The following SCFD2 variants were observed in gnomAD, a reference collection of about 807,000 sequenced individuals.
SCFD2 encodes the protein sec1 family domain containing 2, also known as sec1 family domain-containing protein 2.
A neutral mutation model predicts 58.9 loss-of-function variants in SCFD2; 54 were observed. That is an observed-to-expected ratio of 0.92 (90% CI 0.74 to 1.15). The LOEUF is 1.15. SCFD2 is among the 50% of genes most tolerant of loss of function. SCFD2 has a pLI of 0.00. For missense variants in SCFD2, 805 were observed against 836.6 expected, an observed-to-expected ratio of 0.96 and a Z score of 0.47; for synonymous variants, 321 against 335.9, an observed-to-expected ratio of 0.96 and a Z score of 0.49.
At chr4:53,034,877 A>C (rs1456102993) in intron 5 of SCFD2, among the ~76,000 whole-genome samples, 2 of 152,248 alleles carry the variant, frequency 1.3e-5, no homozygotes, top group African/African-American at 2.4e-5. Flanking sequence ...AAGAATCAGT[A>C]TTGTGAAAAT....
chr4:52,998,226 T>C (rs940527649), intron 5 of SCFD2, among the ~76,000 whole-genome samples: 50 of 152,150 alleles, frequency 3.3e-4, no homozygotes, highest in Admixed American at 1.0e-3. Flanking sequence ...TTAGCAATCA[T>C]CCATCAGATA....
chr4:53,199,482 A>G (rs1388035408), intron 4 of SCFD2, among the ~76,000 whole-genome samples: 1 of 152,152 alleles, frequency 6.6e-6, no homozygotes, highest in African/African-American at 2.4e-5. Flanking sequence ...TGATAAGAGT[A>G]TCATTGTTTA....
chr4:53,337,507 G>T (rs575205706), intron 2 of SCFD2, among the ~76,000 whole-genome samples: 1 of 152,176 alleles, frequency 6.6e-6, no homozygotes, highest in South Asian at 2.1e-4. Context: ...GAACTCATAT[G>T]TATTGCTGGT....
intron 5 of SCFD2, among the ~76,000 whole-genome samples, chr4:52,926,359 C>T (rs1255552024): frequency 6.6e-6 from 1 of 151,952 alleles, no homozygotes. Context: ...TAGCCCTTAC[C>T]TGAGGCCTTC....
intron 8 of SCFD2, among the ~76,000 whole-genome samples, chr4:52,882,956 C>G (rs1393826482): frequency 6.6e-6 from 1 of 152,212 alleles, no homozygotes; most frequent in African/African-American, 2.4e-5. Flanking sequence ...AGAATGGAAG[C>G]ACTAGCTATG....
chr4:53,339,038 T>C (rs1733778433), intron 2 of SCFD2, among the ~76,000 whole-genome samples: 1 of 151,222 alleles, frequency 6.6e-6, no homozygotes, highest in African/African-American at 2.4e-5. Context: ...TTTCTCTAAA[T>C]AGAAAAAAAA....
intron 4 of SCFD2, among the ~76,000 whole-genome samples, chr4:53,272,786 G>A (rs1187508496): frequency 2.0e-5 from 3 of 151,924 alleles, no homozygotes; most frequent in Non-Finnish European, 2.9e-5. Context: ...GCACATCAAC[G>A]TGGCACATGT....
chr4:52,919,989 C>T (rs1207234111), intron 6 of SCFD2, among the ~76,000 whole-genome samples: 1 of 152,110 alleles, frequency 6.6e-6, no homozygotes, highest in Non-Finnish European at 1.5e-5. Flanking sequence ...TCATCTTTTC[C>T]AACAGAAACA....
intron 4 of SCFD2, among the ~76,000 whole-genome samples, chr4:53,255,314 C>G (rs560569618): frequency 5.9e-5 from 9 of 151,852 alleles, no homozygotes; most frequent in African/African-American, 2.2e-4. Context: ...AGCAGATAAA[C>G]AAGTGAACAA....
At chr4:53,131,175 T>C (rs775465220) in intron 5 of SCFD2, among the ~76,000 whole-genome samples, 1 of 152,228 alleles carries the variant, frequency 6.6e-6, no homozygotes. Flanking sequence ...TCTTTATGAT[T>C]ACAAATTTTT....
chr4:53,257,530 TAAGACC>T (rs1406806343), intron 4 of SCFD2, among the ~76,000 whole-genome samples: 1 of 152,078 alleles, frequency 6.6e-6, no homozygotes, highest in African/African-American at 2.4e-5. Context: ...AGAGAAAGGG[TAAGACC>T]ATAGGAAAAC....
chr4:53,228,970 C>T (rs1729326476), intron 4 of SCFD2, among the ~76,000 whole-genome samples: 2 of 152,100 alleles, frequency 1.3e-5, no homozygotes, highest in Admixed American at 1.3e-4. Context: ...TTCTTATACA[C>T]CAATAACAGA....
intron 4 of SCFD2, among the ~76,000 whole-genome samples, chr4:53,148,146 TC>T (rs1208388469): frequency 2.0e-5 from 3 of 152,114 alleles, no homozygotes; most frequent in African/African-American, 7.2e-5. Flanking sequence ...CCTCTGGGTC[TC>T]CCCCCAGAGC....
In SCFD2 at chr4:53,096,891, A is replaced by G. The variant is rs531922034; in HGVS notation, c.1561+48442T>C. Among the ~76,000 whole-genome samples, 6 of 152,252 alleles carry G rather than the reference A, an allele frequency of 3.9e-5. No individual in the cohort carries two copies. The East Asian group carries it at 5.8e-4, about 15-fold the overall frequency. On this transcript the variant is annotated intron_variant, in intron 5 of 8. Coordinates refer to ENST00000401642, the MANE Select transcript of SCFD2 (RefSeq NM_152540.4). Reference sequence around the variant, plus strand: ...TAATCCATCTTGAATTAATTTTTGTATAAGGTGTAAGGAAGGGATCCAGTT... The same window carrying G: ...TAATCCATCTTGAATTAATTTTTGTGTAAGGTGTAAGGAAGGGATCCAGTT...
At chr4:52,959,240 T>A (rs577540202) in intron 5 of SCFD2, among the ~76,000 whole-genome samples, 1 of 152,274 alleles carries the variant, frequency 6.6e-6, no homozygotes, top group South Asian at 2.1e-4. Flanking sequence ...GTTCAACAGG[T>A]CACTGCAAGT....
intron 5 of SCFD2, among the ~76,000 whole-genome samples, chr4:52,988,518 A>G (rs544480897): frequency 6.6e-6 from 1 of 152,294 alleles, no homozygotes; most frequent in South Asian, 2.1e-4. Context: ...AGGGAGAATG[A>G]CCGCTGCTGA....
At chr4:53,237,395 C>G (rs1274791314) in intron 4 of SCFD2, among the ~76,000 whole-genome samples, 1 of 150,638 alleles carries the variant, frequency 6.6e-6, no homozygotes, top group Non-Finnish European at 1.5e-5. Context: ...AGACGGGCTC[C>G]TCACTTCCCA....
intron 2 of SCFD2, among the ~76,000 whole-genome samples, chr4:53,340,538 G>C (rs1389861057): frequency 6.6e-6 from 1 of 152,170 alleles, no homozygotes; most frequent in Admixed American, 6.5e-5. Context: ...CTGGGGACAG[G>C]GCATAGCTGA....
chr4:53,246,218 T>C (rs377353787), intron 4 of SCFD2, among the ~76,000 whole-genome samples: 2 of 152,030 alleles, frequency 1.3e-5, no homozygotes, highest in East Asian at 1.9e-4. Context: ...ATAAAAAAAA[T>C]TTCATGCTCA....
Sources: allele counts gnomAD v4.1 joint callset (sites outside exome capture counted in the v4.1 genomes callset), GRCh38; gene constraint gnomAD v4.1.1; transcripts MANE v1.5; gene names NCBI Gene and HGNC (gene_info 2026-07-23, HGNC 2026-07-21).